SLC35F1: variants seen among roughly 807,000 people sequenced by gnomAD.
The protein encoded by SLC35F1 is solute carrier family 35 member F1, also known as chromosome 6 open reading frame 169.
In SLC35F1, 14 loss-of-function variants were observed where a neutral mutation model predicts 48.7. The observed-to-expected ratio is 0.29, with a 90% CI of 0.19 to 0.45. SLC35F1 has a LOEUF of 0.45. Ranked by LOEUF, SLC35F1 falls within the 20% of genes least tolerant of loss-of-function variation. The pLI, the probability that SLC35F1 is intolerant of heterozygous loss-of-function variation, is 1.00. For synonymous variants in SLC35F1, 190 were observed against 202.2 expected, an observed-to-expected ratio of 0.94 and a Z score of 0.51; for missense variants, 404 against 500.0, an observed-to-expected ratio of 0.81 and a Z score of 1.83.
intron 1 of SLC35F1, among the ~76,000 whole-genome samples, chr6:118,061,027 A>G (rs1368202945): frequency 6.6e-6 from 1 of 152,184 alleles, no homozygotes; most frequent in African/African-American, 2.4e-5. Flanking sequence ...CACAATTCCA[A>G]ATGTATCTTG....
intron 1 of SLC35F1, among the ~76,000 whole-genome samples, chr6:118,080,903 T>C (rs1327375983): frequency 2.6e-5 from 4 of 152,190 alleles, no homozygotes; most frequent in African/African-American, 9.6e-5. Context: ...GCCTACTTTT[T>C]TCCACTGGTG....
At position 118,211,894 on chromosome 6, in the gene SLC35F1, G is replaced by C. The variant is rs148533252; in HGVS notation, c.350-23615G>C. Among the ~76,000 whole-genome samples, 1,005 of 152,140 alleles carry C rather than the reference G, an allele frequency of 6.6e-3. 7 individuals are homozygous for C. The highest frequency in any genetic ancestry group is 0.013 in the Non-Finnish European group (857 of 67,992). On this transcript the variant is annotated intron_variant, in intron 2 of 7. Transcript: ENST00000360388. The stretch of plus-strand genomic sequence containing the variant: ...TTCTCAGAATAAATTTAATACACAG[G>C]CATCCACAGATAATAAAAATGCTAT...
chr6:118,134,390 G>A (rs1006618873), intron 1 of SLC35F1, among the ~76,000 whole-genome samples: 9 of 152,150 alleles, frequency 5.9e-5, no homozygotes, highest in African/African-American at 2.2e-4. Flanking sequence ...TTGGAAACAG[G>A]GAATTAGAAA....
intron 2 of SLC35F1, among the ~76,000 whole-genome samples, chr6:118,172,363 T>A (rs538289705): frequency 6.6e-6 from 1 of 152,294 alleles, no homozygotes; most frequent in East Asian, 1.9e-4. Context: ...TGCCTTTTTC[T>A]ATAACCTAAT....
chr6:117,991,887 C>T lies in SLC35F1; in HGVS notation c.173+83988C>T, dbSNP rs139561190. 6.0e-4 allele frequency among the ~76,000 whole-genome samples: 91 copies of T among 152,106 alleles called. 2 individuals are homozygous for T. The East Asian group carries it at 0.017, about 28-fold the overall frequency. On this transcript the variant is annotated intron_variant, in intron 1 of 7. Coordinates refer to ENST00000360388, the MANE Select transcript of SLC35F1 (RefSeq NM_001029858.4). Reference sequence around the variant, plus strand: ...CACTTAAAAATGTCTCTGTTTGTGTCCAACTGAACATTTTTTTCTCATGAT... The same window carrying T: ...CACTTAAAAATGTCTCTGTTTGTGTTCAACTGAACATTTTTTTCTCATGAT...
Position 118,275,509 on chromosome 6 carries a change from T to C in SLC35F1, c.688T>C (p.Tyr230His). 1 of 1,613,964 alleles carries C rather than the reference T, an allele frequency of 6.2e-7. No individual in the cohort carries two copies. Among genetic ancestry groups the C allele is most frequent in the Non-Finnish European group, 8.5e-7 (1 of 1,179,936 alleles). Residue 230 changes from tyrosine (Y) to histidine (H), a missense_variant, in exon 5 of 8, where the codon TAT becomes CAT. By Grantham distance (83) the Tyr-to-His change is moderately conservative. Transcript: ENST00000360388. ...DLLVLGGATL[Y>H]GISNVWEEYI... is the part of the protein sequence containing the mutation. ...TCTGGTCTTAGGAGGAGCCACACTCTATGGTATTTCTAACGTCTGGGAAGA... is the reference window on the plus strand; with the variant it reads ...TCTGGTCTTAGGAGGAGCCACACTCCATGGTATTTCTAACGTCTGGGAAGA...
At chr6:117,920,678 T>G (rs1318138816) in intron 1 of SLC35F1, among the ~76,000 whole-genome samples, 1 of 152,178 alleles carries the variant, frequency 6.6e-6, no homozygotes, top group Non-Finnish European at 1.5e-5. Flanking sequence ...AAGAACACAG[T>G]GCAGGATTTA....
At chr6:118,127,665 TG>T (rs1773647266) in intron 1 of SLC35F1, among the ~76,000 whole-genome samples, 1 of 151,800 alleles carries the variant, frequency 6.6e-6, no homozygotes, top group African/African-American at 2.4e-5. Context: ...TAATTCAAGA[TG>T]GATTAAAGAC....
chr6:118,128,051 C>T (rs1359592411), intron 1 of SLC35F1, among the ~76,000 whole-genome samples: 5 of 149,340 alleles, frequency 3.3e-5, no homozygotes, highest in South Asian at 2.1e-4. Flanking sequence ...CCAAAAGACA[C>T]ATGAAAAAAT....
chr6:118,069,272 T>A (rs914183732), intron 1 of SLC35F1, among the ~76,000 whole-genome samples: 3 of 152,180 alleles, frequency 2.0e-5, no homozygotes, highest in Non-Finnish European at 2.9e-5. Flanking sequence ...CATATGAAGG[T>A]AACACTAAAT....
intron 1 of SLC35F1, among the ~76,000 whole-genome samples, chr6:118,032,069 G>A (rs2114893922): frequency 6.6e-6 from 1 of 152,276 alleles, no homozygotes; most frequent in South Asian, 2.1e-4. Flanking sequence ...TTAGGAGGAT[G>A]TGTGTGTATG....
rs142289980 is a variant in SLC35F1, at chr6:118,306,889, CA to C, written c.1003-7138del. 4.8e-3 allele frequency among the ~76,000 whole-genome samples: 724 copies of C among 152,310 alleles called. 4 individuals are homozygous for C. Among genetic ancestry groups the C allele is most frequent in the Middle Eastern group, 0.02 (6 of 294 alleles). ...CTGTATTCATGTGTGAAATTACCCA[CA>C]GGGGAAGATATTTGCCTATAAAAGA... On this transcript the variant is annotated intron_variant, in intron 7 of 7. Transcript: ENST00000360388.
At position 117,907,785 on chromosome 6, in the gene SLC35F1, A is replaced by G; in HGVS notation, c.59A>G (p.Asn20Ser). Reference sequence around the variant, plus strand: ...CAGCCGCCGTCGCCAGCCCCGCCGAACCATGTGGTGACCACCATCGAGAAC... The same window carrying G: ...CAGCCGCCGTCGCCAGCCCCGCCGAGCCATGTGGTGACCACCATCGAGAAC... ...QLQPPSPAPPNHVVTTIENLP... is the reference protein window; with the variant it reads ...QLQPPSPAPPSHVVTTIENLP... The change falls in exon 1 of 8, where the codon AAC becomes AGC. Residue 20 changes from asparagine (N) to serine (S), a missense_variant. Asn to Ser is a conservative substitution (Grantham distance 46). This residue lies in a region of SLC35F1 where 98 missense variants were observed against 81.0 expected (regional missense o/e 1.21). Coordinates refer to ENST00000360388, the MANE Select transcript of SLC35F1 (RefSeq NM_001029858.4). The G allele has an allele frequency of 6.4e-7, 1 of 1,559,584 alleles. No homozygotes were observed. The highest frequency in any genetic ancestry group is 2.5e-5 in the East Asian group (1 of 39,438).
chr6:117,927,814 G>A (rs569211961), intron 1 of SLC35F1, among the ~76,000 whole-genome samples: 25 of 152,272 alleles, frequency 1.6e-4, no homozygotes, highest in African/African-American at 5.5e-4. Context: ...ATGCTGTGTT[G>A]GGTTCCCTCC....
chr6:118,307,723 G>A (rs77083771), intron 7 of SLC35F1, among the ~76,000 whole-genome samples: 2,362 of 152,296 alleles, frequency 0.016, 106 homozygotes, highest in Admixed American at 0.097. Context: ...AGCCAGGTTC[G>A]TCTAGTTGTC....
chr6:118,273,063 A>C (rs1419828845), intron 4 of SLC35F1, among the ~76,000 whole-genome samples: 8 of 149,788 alleles, frequency 5.3e-5, no homozygotes, highest in Non-Finnish European at 1.2e-4. Context: ...GCAAATTATA[A>C]TAAATAATAT....
intron 1 of SLC35F1, among the ~76,000 whole-genome samples, chr6:118,118,380 T>A (rs1293350376): frequency 6.6e-6 from 1 of 152,196 alleles, no homozygotes; most frequent in Non-Finnish European, 1.5e-5. Flanking sequence ...GTGATAAACT[T>A]GGCTCCAAAT....
At chr6:118,067,286 A>G (rs1052018475) in intron 1 of SLC35F1, among the ~76,000 whole-genome samples, 3 of 152,156 alleles carry the variant, frequency 2.0e-5, no homozygotes, top group African/African-American at 7.2e-5. Context: ...AGATAGGAAT[A>G]CAAGTAGAGA....
chr6:118,127,098 T>G (rs1448188038), intron 1 of SLC35F1, among the ~76,000 whole-genome samples: 5 of 150,260 alleles, frequency 3.3e-5, no homozygotes, highest in South Asian at 2.1e-4. Context: ...GCCCATTCAG[T>G]ATGATATTGG....
Sources: gnomAD v4.1 joint callset for allele counts (sites outside exome capture counted in the v4.1 genomes callset) on GRCh38, gnomAD v4.1.1 for gene constraint, gnomAD v4.1.1 regional missense constraint, MANE v1.5 for transcripts, NCBI Gene and HGNC (gene_info 2026-07-23, HGNC 2026-07-21) for gene names.